The following FAM184B variants were observed in gnomAD, a reference collection of about 807,000 sequenced individuals.
The protein encoded by FAM184B is family with sequence similarity 184 member B.
In FAM184B, 111 loss-of-function variants were observed where a neutral mutation model predicts 135.9. That is an observed-to-expected ratio of 0.82 (90% CI 0.70 to 0.96). The LOEUF (loss-of-function observed/expected upper bound fraction) is 0.96. FAM184B is among the 40% of genes least tolerant of loss of function. FAM184B has a pLI of 0.00. For missense variants in FAM184B, 1,375 were observed against 1,323.9 expected, an observed-to-expected ratio of 1.04 and a Z score of -0.60; for synonymous variants, 552 against 524.8, an observed-to-expected ratio of 1.05 and a Z score of -0.71.
chr4:17,635,243 T>C (rs1715090597), intron 15 of FAM184B, 130 bp from the exon 16 acceptor site: 1 of 672,016 alleles, frequency 1.5e-6, no homozygotes, highest in Admixed American at 2.9e-5. Flanking sequence ...TCAGTGGGAA[T>C]AAAGCTGCCA....
chr4:17,766,012 A>G (rs1238621091), intron 1 of FAM184B, among the ~76,000 whole-genome samples: 3 of 152,200 alleles, frequency 2.0e-5, no homozygotes, highest in African/African-American at 2.4e-5. Context: ...TGGCTTCAAC[A>G]GTGAAGCTGC....
At chr4:17,758,611 G>T (rs1174636970) in intron 1 of FAM184B, among the ~76,000 whole-genome samples, 3 of 152,206 alleles carry the variant, frequency 2.0e-5, no homozygotes, top group Admixed American at 1.3e-4. Context: ...TCTACAGAGG[G>T]GTAACTTGTC....
At chr4:17,741,151 A>G (rs1293711600) in intron 1 of FAM184B, among the ~76,000 whole-genome samples, 3 of 152,240 alleles carry the variant, frequency 2.0e-5, no homozygotes, top group Non-Finnish European at 4.4e-5. Context: ...TCTTGTGGGC[A>G]TCAAGCTAAC....
chr4:17,652,726 T>C, intron 11 of FAM184B, 104 bp downstream of exon 11: 1 of 1,346,064 alleles, frequency 7.4e-7, no homozygotes, highest in Non-Finnish European at 1.0e-6. Context: ...CCGTGGCCTG[T>C]GAGCCCGAGA....
chr4:17,654,853 T>C (rs1715745079), intron 10 of FAM184B, among the ~76,000 whole-genome samples: 1 of 147,844 alleles, frequency 6.8e-6, no homozygotes, highest in Non-Finnish European at 1.5e-5. Context: ...CCAAATGTCT[T>C]TTTCTTTTTC....
Position 17,639,271 on chromosome 4 carries a change from C to T in FAM184B, c.2645G>A (p.Arg882Gln), listed in dbSNP as rs994992108. Reference protein sequence around the residue: ...FSSAQAQLQARLAALEAELKD... With the variant: ...FSSAQAQLQAQLAALEAELKD... ...TTACTCGGCTTCCAGGGCAGCCAGCCGGGCCTGGAGCTGGGCCTGGGCACT... is the reference window on the plus strand; with the variant it reads ...TTACTCGGCTTCCAGGGCAGCCAGCTGGGCCTGGAGCTGGGCCTGGGCACT... Residue 882 changes from arginine to glutamine, a missense_variant, in exon 14 of 18, where the codon CGG (arginine) becomes CAG (glutamine). Physicochemically the swap from Arg to Gln is conservative, Grantham distance 43. Transcript: ENST00000265018. The T allele has an allele frequency of 7.1e-6, 11 of 1,551,686 alleles. No homozygotes were observed. Among genetic ancestry groups the T allele is most frequent in the Non-Finnish European group, 9.6e-6 (11 of 1,146,992 alleles).
At chr4:17,639,224 T>C (rs1167853451) in intron 14 of FAM184B, 26 bp downstream of exon 14, 1 of 1,550,510 alleles carries the variant, frequency 6.4e-7, no homozygotes, top group South Asian at 1.2e-5. Flanking sequence ...TGCAAGACCC[T>C]CCCTGGGGCC....
intron 11 of FAM184B, among the ~76,000 whole-genome samples, chr4:17,649,371 T>C (rs1406324771): frequency 1.3e-5 from 2 of 151,048 alleles, no homozygotes; most frequent in Admixed American, 6.6e-5. Flanking sequence ...GATCACGAGG[T>C]CAGGAGATCG....
At chr4:17,660,857 G>C (rs542524890) in intron 8 of FAM184B, among the ~76,000 whole-genome samples, 4 of 152,168 alleles carry the variant, frequency 2.6e-5, no homozygotes, top group African/African-American at 7.2e-5. Context: ...TTCTTCCCCT[G>C]ACAAGGACAT....
chr4:17,678,785 A>G (rs762652001), intron 7 of FAM184B, among the ~76,000 whole-genome samples: 10 of 152,232 alleles, frequency 6.6e-5, no homozygotes, highest in Non-Finnish European at 1.0e-4. Flanking sequence ...ACTATACTAT[A>G]AGGCCATAGT....
intron 2 of FAM184B, among the ~76,000 whole-genome samples, 159 bp from the exon 3 acceptor site, chr4:17,707,943 C>G (rs1209647018): frequency 5.3e-5 from 8 of 152,274 alleles, no homozygotes; most frequent in Admixed American, 3.3e-4. Context: ...AATCTCTCCT[C>G]ATCCTCTGGC....
At chr4:17,651,020 G>A (rs143745939) in intron 11 of FAM184B, among the ~76,000 whole-genome samples, 47 of 152,260 alleles carry the variant, frequency 3.1e-4, no homozygotes, top group African/African-American at 1.1e-3. Context: ...ACAGGCATGA[G>A]CCACCACACT....
chr4:17,659,392 C>G (rs1715859638), intron 9 of FAM184B, among the ~76,000 whole-genome samples: 2 of 152,072 alleles, frequency 1.3e-5, no homozygotes, highest in South Asian at 4.2e-4. Flanking sequence ...CAGGTGTGAA[C>G]CACCACACCT....
chr4:17,735,089 C>G (rs1212703110), intron 1 of FAM184B, among the ~76,000 whole-genome samples: 3 of 151,590 alleles, frequency 2.0e-5, no homozygotes, highest in Non-Finnish European at 2.9e-5. Flanking sequence ...GGAGAAAAAA[C>G]CAAACACCAC....
chr4:17,766,056 G>A (rs968736601), intron 1 of FAM184B, among the ~76,000 whole-genome samples: 24 of 152,308 alleles, frequency 1.6e-4, no homozygotes, highest in African/African-American at 3.6e-4. Context: ...GCTCATAAAG[G>A]AAGTGCAGGC....
rs1248278084 is a variant in FAM184B at position 17,631,619 on chromosome 4, T to C, written c.*913A>G. The C allele has an allele frequency of 6.6e-6, 1 of 152,144 alleles. No homozygotes were observed. The highest frequency in any genetic ancestry group is 1.5e-5 in the Non-Finnish European group (1 of 68,046). The allele number at this position is 152,144 out of a possible 1,614,324, so 9.4% of individuals were successfully genotyped here. A position where few individuals can be genotyped will look rare whatever the true frequency, so the allele number is the denominator to read the frequency against. Reference sequence around the variant, plus strand: ...CTTAATTCCAATTCATGTTAATTTATGTTATCTTGCTTAATCCTTGCAAAG... The same window carrying C: ...CTTAATTCCAATTCATGTTAATTTACGTTATCTTGCTTAATCCTTGCAAAG... On this transcript the variant is annotated 3_prime_UTR_variant, in exon 18 of 18. Coordinates refer to ENST00000265018, the MANE Select transcript of FAM184B (RefSeq NM_015688.2).
At chr4:17,742,151 TA>T (rs1560190655) in intron 1 of FAM184B, among the ~76,000 whole-genome samples, 12 of 75,340 alleles carry the variant, frequency 1.6e-4, no homozygotes, top group African/African-American at 4.0e-4. Context: ...TATATATATA[TA>T]TATATATATA....
At chr4:17,708,709 A>AGTGT (rs1717175145) in intron 2 of FAM184B, among the ~76,000 whole-genome samples, 183 bp downstream of exon 2, 1 of 38,858 alleles carries the variant, frequency 2.6e-5, no homozygotes, top group Non-Finnish European at 4.7e-5. Flanking sequence ...ATATATATAT[A>AGTGT]GTGTCTGTGT....
intron 1 of FAM184B, among the ~76,000 whole-genome samples, chr4:17,749,600 G>A (rs1056052683): frequency 6.6e-6 from 1 of 152,054 alleles, no homozygotes; most frequent in Admixed American, 6.6e-5. Context: ...CATCTATATG[G>A]CCTGCATTTG....
Sources: allele counts gnomAD v4.1 joint callset (sites outside exome capture counted in the v4.1 genomes callset), GRCh38; gene constraint gnomAD v4.1.1; transcripts MANE v1.5; gene names NCBI Gene and HGNC (gene_info 2026-07-23, HGNC 2026-07-21).